Variants in SETBP1 observed in about 807,000 individuals in gnomAD.
The protein encoded by SETBP1 is SET binding protein 1.
A neutral mutation model predicts 101.0 loss-of-function variants in SETBP1; 9 were observed. That is an observed-to-expected ratio of 0.09 (90% CI 0.05 to 0.16). The LOEUF (loss-of-function observed/expected upper bound fraction) is 0.16. Ranked by LOEUF, SETBP1 falls within the 10% of genes least tolerant of loss-of-function variation. The pLI, the probability that SETBP1 is intolerant of heterozygous loss-of-function variation, is 1.00. For synonymous variants in SETBP1, 818 were observed against 788.5 expected, an observed-to-expected ratio of 1.04 and a Z score of -0.63; for missense variants, 1,858 against 2,033.8, an observed-to-expected ratio of 0.91 and a Z score of 1.66.
At chr18:44,965,101 A>G (rs541723851) in intron 4 of SETBP1, among the ~76,000 whole-genome samples, 1 of 152,364 alleles carries the variant, frequency 6.6e-6, no homozygotes, top group African/African-American at 2.4e-5. Flanking sequence ...TTTCTTGAAT[A>G]TCACTGAATG....
At chr18:44,813,884 A>G (rs2071916135) in intron 2 of SETBP1, among the ~76,000 whole-genome samples, 1 of 152,164 alleles carries the variant, frequency 6.6e-6, no homozygotes, top group African/African-American at 2.4e-5. Flanking sequence ...TTAACCCTGG[A>G]ACCTCCAAAT....
intron 2 of SETBP1, among the ~76,000 whole-genome samples, chr18:44,733,626 C>T (rs771118230): frequency 7.9e-5 from 12 of 152,186 alleles, no homozygotes; most frequent in African/African-American, 2.2e-4. Flanking sequence ...TAAACCACTA[C>T]GTGGCTGATT....
intron 2 of SETBP1, among the ~76,000 whole-genome samples, chr18:44,783,886 C>G (rs905051486): frequency 6.6e-6 from 1 of 152,144 alleles, no homozygotes; most frequent in African/African-American, 2.4e-5. Flanking sequence ...TTATATTAAG[C>G]CTTGGGCAAA....
In SETBP1 at chr18:45,038,473, G is replaced by A. The variant is rs1426405072; in HGVS notation, c.4001-12G>A. On this transcript the variant is annotated splice_polypyrimidine_tract_variant and intron_variant, in intron 4 of 5. Transcript: ENST00000649279. ...TAAAGTGACTGAAAGCTTTGGGGTT[G>A]TTATTTTTTAGGGATGCCAAGTCCC... 1 of 1,613,782 alleles carries A rather than the reference G, an allele frequency of 6.2e-7. No individual in the cohort carries two copies. The highest frequency in any genetic ancestry group is 2.2e-5 in the East Asian group (1 of 44,900).
At chr18:45,029,606 A>G (rs1054739671) in intron 4 of SETBP1, among the ~76,000 whole-genome samples, 20 of 152,106 alleles carry the variant, frequency 1.3e-4, no homozygotes, top group African/African-American at 1.4e-4. Context: ...CTTGGGCAGT[A>G]TGGCCATTTT....
At chr18:44,843,173 C>G (rs1051290527) in intron 2 of SETBP1, among the ~76,000 whole-genome samples, 2 of 152,172 alleles carry the variant, frequency 1.3e-5, no homozygotes, top group Non-Finnish European at 2.9e-5. Flanking sequence ...AGACAGCTCC[C>G]CAGGCAGCCA....
intron 5 of SETBP1, among the ~76,000 whole-genome samples, chr18:45,054,974 A>G (rs1030640494): frequency 6.6e-6 from 1 of 152,206 alleles, no homozygotes; most frequent in Non-Finnish European, 1.5e-5. Flanking sequence ...ATGCAACTCA[A>G]TTAAAGGTGT....
chr18:44,751,952 C>T (rs1362118110), intron 2 of SETBP1, among the ~76,000 whole-genome samples: 6 of 152,140 alleles, frequency 3.9e-5, no homozygotes, highest in Non-Finnish European at 5.9e-5. Context: ...TTCTCTTCCT[C>T]GTCTTATAAA....
chr18:44,738,379 G>A (rs1038694248), intron 2 of SETBP1, among the ~76,000 whole-genome samples: 2 of 152,166 alleles, frequency 1.3e-5, no homozygotes, highest in African/African-American at 4.8e-5. Context: ...CCATAGCCCT[G>A]AAAGAAGAAT....
intron 2 of SETBP1, among the ~76,000 whole-genome samples, chr18:44,740,622 A>G (rs1028934251): frequency 6.6e-6 from 1 of 152,166 alleles, no homozygotes; most frequent in African/African-American, 2.4e-5. Context: ...TTTTCCATAC[A>G]TTTCTCGTGG....
intron 4 of SETBP1, among the ~76,000 whole-genome samples, chr18:45,026,415 AT>A (rs2073165580): frequency 6.6e-6 from 1 of 152,186 alleles, no homozygotes; most frequent in South Asian, 2.1e-4. Flanking sequence ...AGCAAGTCAC[AT>A]CCCCTTTCTG....
intron 2 of SETBP1, among the ~76,000 whole-genome samples, chr18:44,792,040 C>T (rs1365117468): frequency 6.6e-6 from 1 of 152,172 alleles, no homozygotes; most frequent in Admixed American, 6.5e-5. Context: ...TCTGCCTCTG[C>T]TCCATTTTCT....
chr18:45,021,598 T>C (rs1357842536), intron 4 of SETBP1, among the ~76,000 whole-genome samples: 1 of 152,210 alleles, frequency 6.6e-6, no homozygotes, highest in African/African-American at 2.4e-5. Flanking sequence ...AATGAAGTCC[T>C]TTAAAACTAT....
At chr18:44,921,086 C>A (rs1055634954) in intron 3 of SETBP1, among the ~76,000 whole-genome samples, 13 of 152,278 alleles carry the variant, frequency 8.5e-5, no homozygotes, top group African/African-American at 3.1e-4. Context: ...CAGTTTACAT[C>A]AATTGTAAGC....
chr18:45,032,379 G>C (rs892574994), intron 4 of SETBP1, among the ~76,000 whole-genome samples: 1 of 152,082 alleles, frequency 6.6e-6, no homozygotes, highest in African/African-American at 2.4e-5. Context: ...TCCAAGTTTT[G>C]CTAGTCAACT....
intron 4 of SETBP1, among the ~76,000 whole-genome samples, chr18:45,026,798 A>ATG (rs150865752): frequency 0.15 from 22,604 of 151,326 alleles, 2,022 homozygotes; most frequent in Non-Finnish European, 0.19. Flanking sequence ...CTTCTGTAGC[A>ATG]TGTGTGTGTG....
At chr18:44,707,252 C>T (rs893661704) in intron 2 of SETBP1, among the ~76,000 whole-genome samples, 8 of 152,156 alleles carry the variant, frequency 5.3e-5, no homozygotes, top group African/African-American at 1.9e-4. Context: ...TTTTTCCATA[C>T]TTTCTCATAT....
chr18:45,063,785 G>C lies in SETBP1; in HGVS notation c.*87G>C. On this transcript the variant is annotated 3_prime_UTR_variant, in exon 6 of 6. Transcript: ENST00000649279. The stretch of plus-strand genomic sequence containing the variant: ...CGGGGCGGGGGCGGAATCCCCCGCT[G>C]CAGGGACACCCACGCCCTTCTCTCC... The C allele has an allele frequency of 3.5e-6, 5 of 1,430,732 alleles. No homozygotes were observed. In the South Asian group the frequency reaches 6.3e-5, roughly 18 times the overall value. 88.6% of individuals were successfully genotyped at this position (1,430,732 alleles called of 1,614,324 possible).
chr18:44,883,151 C>A (rs964734477), intron 3 of SETBP1, among the ~76,000 whole-genome samples: 19 of 152,196 alleles, frequency 1.2e-4, no homozygotes, highest in Admixed American at 9.8e-4. Context: ...TGATTTATCT[C>A]TTTGTCTGTA....
Sources: allele counts gnomAD v4.1 joint callset (sites outside exome capture counted in the v4.1 genomes callset), GRCh38; gene constraint gnomAD v4.1.1; transcripts MANE v1.5; gene names NCBI Gene and HGNC (gene_info 2026-07-23, HGNC 2026-07-21).